Variants in ZDHHC4 observed in about 807,000 individuals in gnomAD.
ZDHHC4 encodes the protein zDHHC palmitoyltransferase 4, also known as palmitoyltransferase ZDHHC4.
A neutral mutation model predicts 36.7 loss-of-function variants in ZDHHC4; 42 were observed. The ratio of observed to expected loss-of-function variants is 1.14; its 90% CI spans 0.89 to 1.48. The LOEUF (loss-of-function observed/expected upper bound fraction) is 1.48. Among genes scored for constraint, ZDHHC4 ranks in the 40% most tolerant of loss-of-function variants. The pLI, the probability that ZDHHC4 is intolerant of heterozygous loss-of-function variation, is 0.00. For synonymous variants in ZDHHC4, 189 were observed against 166.6 expected, an observed-to-expected ratio of 1.13 and a Z score of -1.03; for missense variants, 457 against 421.5, an observed-to-expected ratio of 1.08 and a Z score of -0.74.
At chr7:6,582,715 G>C (rs1373844491) in intron 5 of ZDHHC4, among the ~76,000 whole-genome samples, 1 of 151,858 alleles carries the variant, frequency 6.6e-6, no homozygotes, top group African/African-American at 2.4e-5. Flanking sequence ...ATGGGGTTTC[G>C]CCATGTTGTC....
intron 2 of ZDHHC4, 58 bp from the exon 3 acceptor site, chr7:6,580,497 G>A: frequency 7.1e-7 from 1 of 1,402,976 alleles, no homozygotes; most frequent in Non-Finnish European, 1.0e-6. Context: ...CTGAGAATGT[G>A]TGCCATGGAA....
chr7:6,577,813 G>C (rs1780540526), intron 1 of ZDHHC4: 1 of 152,146 alleles, frequency 6.6e-6, no homozygotes, highest in Non-Finnish European at 1.5e-5. Flanking sequence ...TTCCCAACTA[G>C]CTGTTTCTCA....
Position 6,588,605 on chromosome 7 carries a change from C to T in ZDHHC4, c.742-12C>T. ...CCAGCTGCCTAAAGCACTACCTTTT[C>T]TCTGCTCCTAGTACCTGTTCCTGAC... On this transcript the variant is annotated splice_polypyrimidine_tract_variant and intron_variant, in intron 7 of 7. Coordinates refer to ENST00000335965, the MANE Select transcript of ZDHHC4 (RefSeq NM_001134389.2). 1 of 1,612,874 alleles carries T rather than the reference C, an allele frequency of 6.2e-7. No individual in the cohort carries two copies. Among genetic ancestry groups the T allele is most frequent in the African/African-American group, 1.3e-5 (1 of 75,008 alleles).
chr7:6,586,884 A>AT (rs1781280573), intron 7 of ZDHHC4, among the ~76,000 whole-genome samples: 1 of 151,886 alleles, frequency 6.6e-6, no homozygotes, highest in African/African-American at 2.4e-5. Context: ...ACTTTTGGCT[A>AT]TTTTTGAGTA....
At chr7:6,582,902 G>C (rs1368854248) in intron 5 of ZDHHC4, among the ~76,000 whole-genome samples, 1 of 152,034 alleles carries the variant, frequency 6.6e-6, no homozygotes, top group Non-Finnish European at 1.5e-5. Flanking sequence ...GGCTGGGCGC[G>C]GTGGCTCACA....
At chr7:6,581,509 A>G (rs558498582) in intron 3 of ZDHHC4, 98 bp from the exon 4 acceptor site, 46 of 880,144 alleles carry the variant, frequency 5.2e-5, no homozygotes, top group East Asian at 1.5e-4. Context: ...AAAACTTACT[A>G]TCACCCAGAT....
chr7:6,585,248 C>G lies in ZDHHC4; in HGVS notation c.729C>G (p.Val243=), dbSNP rs753746584. The change falls in exon 7 of 8, where the codon GTC becomes GTG. Residue 243 remains valine (V), a synonymous_variant. Transcript: ENST00000335965. ...GACACCTCCATGTTATGGACACGGT[C>G]TTTCTTATTCAGGTAATTATGCTGT... The part of the protein sequence containing the change: ...DLGHLHVMDT[V]FLIQYLFLTF... 10 of 1,612,824 alleles carry G rather than the reference C, an allele frequency of 6.2e-6. No individual in the cohort carries two copies. In the African/African-American group the frequency reaches 1.2e-4, roughly 19 times the overall value.
intron 7 of ZDHHC4, among the ~76,000 whole-genome samples, chr7:6,586,429 G>A (rs552460763): frequency 5.9e-5 from 9 of 152,252 alleles, no homozygotes; most frequent in African/African-American, 2.2e-4. Flanking sequence ...CTTCTTTCTT[G>A]TGGCACAAGG....
At chr7:6,580,091 C>T (rs1178042941) in intron 2 of ZDHHC4, among the ~76,000 whole-genome samples, 3 of 152,024 alleles carry the variant, frequency 2.0e-5, no homozygotes, top group Admixed American at 6.6e-5. Context: ...GCCAAGATCA[C>T]GCCACCGCAC....
At position 6,589,024 on chromosome 7, in the gene ZDHHC4, G is replaced by A. The variant is rs1781479903; in HGVS notation, c.*114G>A. The A allele has an allele frequency of 1.3e-5, 18 of 1,357,244 alleles. No individual in the cohort carries two copies. Among genetic ancestry groups the A allele is most frequent in the Admixed American group, 4.3e-5 (2 of 46,480 alleles). The allele number at this position is 1,357,244 out of a possible 1,614,324, so 84.1% of individuals were successfully genotyped here. On this transcript the variant is annotated 3_prime_UTR_variant, in exon 8 of 8. Coordinates refer to ENST00000335965, the MANE Select transcript of ZDHHC4 (RefSeq NM_001134389.2). Reference sequence around the variant, plus strand: ...TCTGCTGTGCTTATAAATCACTTTCGGTGGGCAAGGGAGAGAGGGGAAAAT... The same window carrying A: ...TCTGCTGTGCTTATAAATCACTTTCAGTGGGCAAGGGAGAGAGGGGAAAAT...
chr7:6,581,211 C>G (rs1481923336), intron 3 of ZDHHC4: 1 of 255,538 alleles, frequency 3.9e-6, no homozygotes, highest in Non-Finnish European at 7.6e-6. Flanking sequence ...CAAAACGGGG[C>G]AAGCAGCCTA....
chr7:6,581,734 T>C (rs1481075649), intron 4 of ZDHHC4, 54 bp downstream of exon 4: 4 of 1,408,392 alleles, frequency 2.8e-6, no homozygotes, highest in Non-Finnish European at 4.0e-6. Flanking sequence ...TGATTATTAA[T>C]TGTTGAGATC....
chr7:6,586,457 T>C (rs1467856777), intron 7 of ZDHHC4, among the ~76,000 whole-genome samples: 1 of 152,184 alleles, frequency 6.6e-6, no homozygotes, highest in Non-Finnish European at 1.5e-5. Flanking sequence ...GGTTAATTCA[T>C]GTAGCACGAA....
chr7:6,584,137 A>G (rs1368326979), intron 6 of ZDHHC4: 5 of 152,190 alleles, frequency 3.3e-5, no homozygotes, highest in African/African-American at 1.2e-4. Context: ...TCAGGATGTT[A>G]TTTAACCTAC....
chr7:6,580,658 C>G lies in ZDHHC4; in HGVS notation c.97C>G (p.Leu33Val). The change falls in exon 3 of 8, where the codon CTG becomes GTG. Residue 33 changes from leucine to valine, a missense_variant. Coordinates refer to ENST00000335965, the MANE Select transcript of ZDHHC4 (RefSeq NM_001134389.2). ...VCSKTHSLKG[L>V]ARGGAQIFSC... ...CTCGAAAACCCATAGCTTGAAAGGC[C>G]TGGCCAGGGGAGGAGCACAGGTAAG... 6.2e-7 allele frequency: 1 copy of G among 1,614,142 alleles called. No individual in the cohort carries two copies. Among genetic ancestry groups the G allele is most frequent in the Non-Finnish European group, 8.5e-7 (1 of 1,180,020 alleles).
rs1233826429 is a variant in ZDHHC4 at position 6,588,958 on chromosome 7, G to A, written c.*48G>A. 1 of 1,561,694 alleles carries A rather than the reference G, an allele frequency of 6.4e-7. No homozygotes were observed. Among genetic ancestry groups the A allele is most frequent in the Non-Finnish European group, 8.7e-7 (1 of 1,147,488 alleles). On this transcript the variant is annotated 3_prime_UTR_variant, in exon 8 of 8. Transcript: ENST00000335965. ...CTGTAGTTCCCGTTTATTTACACAT[G>A]TGGATCCTCGTTTTCCAAGCATGGC...
Position 6,589,159 on chromosome 7 carries a change from G to T in ZDHHC4, c.*249G>T, listed in dbSNP as rs1583399113. The T allele has an allele frequency of 2.0e-6, 1 of 494,644 alleles. No individual in the cohort carries two copies. The highest frequency in any genetic ancestry group is 3.3e-5 in the Admixed American group (1 of 30,484). 30.6% of individuals were successfully genotyped at this position (494,644 alleles called of 1,614,324 possible). ...TGACTTCTCAGAGGTTCTAGGTGATGCTGAGACCTTGGTGTCTCTAAACTC... is the reference window on the plus strand; with the variant it reads ...TGACTTCTCAGAGGTTCTAGGTGATTCTGAGACCTTGGTGTCTCTAAACTC... On this transcript the variant is annotated 3_prime_UTR_variant, in exon 8 of 8. Coordinates refer to ENST00000335965, the MANE Select transcript of ZDHHC4 (RefSeq NM_001134389.2).
At chr7:6,582,533 C>G (rs1486723795) in intron 5 of ZDHHC4, among the ~76,000 whole-genome samples, 1 of 151,270 alleles carries the variant, frequency 6.6e-6, no homozygotes, top group African/African-American at 2.4e-5. Context: ...TTTTTTGTTT[C>G]TTAAGACGGA....
rs771245878 is a variant in ZDHHC4 at position 6,585,118 on chromosome 7, C to A, written c.599C>A (p.Thr200Asn). Residue 200 changes from threonine (T) to asparagine (N), a missense_variant, in exon 7 of 8, where the codon ACC (threonine) becomes AAC (asparagine). Thr to Asn is a moderately conservative substitution (Grantham distance 65). Transcript: ENST00000335965. Reference protein sequence around the residue: ...NIRYFLIYVLTLTASAATVAI... With the variant: ...NIRYFLIYVLNLTASAATVAI... ...AGGTACTTCCTCATCTACGTCTTGA[C>A]CTTGACGGCCTCGGCTGCCACCGTC... 4 of 1,614,098 alleles carry A rather than the reference C, an allele frequency of 2.5e-6. No homozygotes were observed. Among genetic ancestry groups the A allele is most frequent in the Non-Finnish European group, 3.4e-6 (4 of 1,180,026 alleles).
Sources: allele counts gnomAD v4.1 joint callset (sites outside exome capture counted in the v4.1 genomes callset), GRCh38; gene constraint gnomAD v4.1.1; transcripts MANE v1.5; gene names NCBI Gene and HGNC (gene_info 2026-07-23, HGNC 2026-07-21).